The following METTL15 variants were observed in gnomAD, a reference collection of about 807,000 sequenced individuals.
The protein encoded by METTL15 is 12S rRNA N(4)-cytidine methyltransferase METTL15.
A neutral mutation model predicts 38.3 loss-of-function variants in METTL15; 34 were observed. The ratio of observed to expected loss-of-function variants is 0.89; its 90% CI spans 0.68 to 1.18. METTL15 has a LOEUF of 1.18. Ranked by LOEUF, METTL15 falls within the 50% of genes most tolerant of loss-of-function variation. METTL15 has a pLI of 0.00. For missense variants in METTL15, 438 were observed against 498.4 expected, an observed-to-expected ratio of 0.88 and a Z score of 1.15; for synonymous variants, 162 against 170.9, an observed-to-expected ratio of 0.95 and a Z score of 0.41.
At chr11:28,456,444 T>G (rs1274304037) in intron 6 of METTL15, among the ~76,000 whole-genome samples, 1 of 151,720 alleles carries the variant, frequency 6.6e-6, no homozygotes, top group African/African-American at 2.4e-5. Flanking sequence ...TTTGTTTGTT[T>G]GTTTTGTTTT....
intron 6 of METTL15, among the ~76,000 whole-genome samples, chr11:28,499,971 C>T (rs550208434): frequency 6.7e-6 from 1 of 150,152 alleles, no homozygotes; most frequent in Admixed American, 6.7e-5. Flanking sequence ...ATAACTTTTT[C>T]TATTGTTTGT....
chr11:28,122,405 G>A (rs902791285), intron 3 of METTL15, among the ~76,000 whole-genome samples: 3 of 149,998 alleles, frequency 2.0e-5, no homozygotes, highest in Non-Finnish European at 4.5e-5. Context: ...TTAGGTAAAT[G>A]AGGTAGTTAT....
At chr11:28,512,354 G>C (rs1265129102) in intron 6 of METTL15, among the ~76,000 whole-genome samples, 1 of 152,232 alleles carries the variant, frequency 6.6e-6, no homozygotes, top group African/African-American at 2.4e-5. Flanking sequence ...CCCTTGGGTG[G>C]TTGATGGGAC....
intron 4 of METTL15, among the ~76,000 whole-genome samples, chr11:28,238,576 C>T (rs1028976247): frequency 3.3e-5 from 5 of 152,200 alleles, no homozygotes; most frequent in African/African-American, 4.8e-5. Flanking sequence ...GGCAGTGCCT[C>T]GCCCTGCTTT....
chr11:28,455,086 C>T (rs1045691349), intron 6 of METTL15, among the ~76,000 whole-genome samples: 2 of 152,130 alleles, frequency 1.3e-5, no homozygotes, highest in Non-Finnish European at 2.9e-5. Flanking sequence ...TGAATCCTCC[C>T]ATATGTATCC....
In METTL15 at chr11:28,469,969, C is replaced by T. The variant is rs1851289386; in HGVS notation, c.*424+45605C>T. Among the ~76,000 whole-genome samples, 3 of 152,028 alleles carry T rather than the reference C, an allele frequency of 2.0e-5. No homozygotes were observed. The South Asian group carries it at 6.2e-4, about 32-fold the overall frequency. On this transcript the variant is annotated intron_variant and NMD_transcript_variant, in intron 6 of 7. Coordinates refer to the METTL15 transcript ENST00000532947. ...GAATATATTCATGAATATATTCTAA[C>T]TTACCTGTTAAACTCTATTTTTTAA...
chr11:28,122,054 A>T, intron 3 of METTL15: 1 of 758,096 alleles, frequency 1.3e-6, no homozygotes, highest in Non-Finnish European at 1.7e-6. Context: ...ATTTTTAGTT[A>T]ATAAAAGTTA....
At chr11:28,205,293 T>C (rs1852283155) in intron 3 of METTL15, among the ~76,000 whole-genome samples, 1 of 145,764 alleles carries the variant, frequency 6.9e-6, no homozygotes, top group African/African-American at 2.5e-5. Flanking sequence ...AGTGTGATGT[T>C]CCCCTTCCTG....
At chr11:28,450,983 A>G (rs1851115649) in intron 6 of METTL15, among the ~76,000 whole-genome samples, 1 of 152,246 alleles carries the variant, frequency 6.6e-6, no homozygotes, top group African/African-American at 2.4e-5. Flanking sequence ...TAAGCGACTT[A>G]TCCAAGCTTA....
chr11:28,336,335 C>T (rs1404711349), downstream of METTL15, among the ~76,000 whole-genome samples: 2 of 152,130 alleles, frequency 1.3e-5, no homozygotes, highest in Non-Finnish European at 2.9e-5. Flanking sequence ...ACCTTCATAT[C>T]AGTAAGTGGC....
intron 3 of METTL15, chr11:28,163,287 A>G: frequency 2.5e-6 from 1 of 397,446 alleles, no homozygotes; most frequent in Non-Finnish European, 4.4e-6. Context: ...TGAAGAAAAA[A>G]AAGTATGGCA....
chr11:28,123,628 AGTAT>A (rs996288475), intron 3 of METTL15, among the ~76,000 whole-genome samples: 2 of 152,052 alleles, frequency 1.3e-5, no homozygotes, highest in African/African-American at 4.8e-5. Context: ...TGCTTTAGAA[AGTAT>A]GTGCATTTTT....
chr11:28,395,768 C>A (rs1485439505), intron 5 of METTL15, among the ~76,000 whole-genome samples: 1 of 152,106 alleles, frequency 6.6e-6, no homozygotes, highest in Non-Finnish European at 1.5e-5. Context: ...CATCCTGATA[C>A]CAAAGCCGGG....
intron 6 of METTL15, among the ~76,000 whole-genome samples, chr11:28,454,850 A>G (rs1194557327): frequency 6.6e-6 from 1 of 152,164 alleles, no homozygotes; most frequent in Non-Finnish European, 1.5e-5. Flanking sequence ...CCTTCACTGG[A>G]GCACATTGGA....
In METTL15 at chr11:28,267,705, A is replaced by G. The variant is rs541775173; in HGVS notation, c.408-22501A>G. Among the ~76,000 whole-genome samples the G allele has an allele frequency of 9.1e-4, 138 of 152,298 alleles. 1 individual carries two copies. The South Asian group carries it at 0.028, about 30-fold the overall frequency. The stretch of plus-strand genomic sequence containing the variant: ...TCTTCTCTACGTATACCAATGAAAC[A>G]ATATGACTCACAGAGGTTACCTAAC... On this transcript the variant is annotated intron_variant, in intron 4 of 6. Coordinates refer to ENST00000407364, the MANE Select transcript of METTL15 (RefSeq NM_001113528.2).
intron 5 of METTL15, among the ~76,000 whole-genome samples, chr11:28,367,807 C>T (rs1009503405): frequency 3.5e-4 from 54 of 152,248 alleles, no homozygotes; most frequent in Non-Finnish European, 4.6e-4. Context: ...CTACAACTAT[C>T]TGATCTTTGA....
At chr11:28,452,146 A>T (rs1281383182) in intron 6 of METTL15, among the ~76,000 whole-genome samples, 1 of 152,210 alleles carries the variant, frequency 6.6e-6, no homozygotes. Context: ...AGTCAAGAGG[A>T]GAGAAAGCAA....
intron 3 of METTL15, among the ~76,000 whole-genome samples, chr11:28,209,850 T>G (rs1852549455): frequency 6.6e-6 from 1 of 152,038 alleles, no homozygotes. Context: ...TGTTATGTAC[T>G]ATGCACATGA....
In METTL15 at chr11:28,476,402, A is replaced by G. The variant is rs1851346663; in HGVS notation, c.*425-50076A>G. ...GATGGTAGATAAGGCAATAGTGGTG[A>G]CTCTAACAAGACCACCAGAATTCTT... On this transcript the variant is annotated intron_variant and NMD_transcript_variant, in intron 6 of 7. Transcript: ENST00000532947. 2.0e-5 allele frequency among the ~76,000 whole-genome samples: 3 copies of G among 152,222 alleles called. No homozygotes were observed. In the South Asian group the frequency reaches 6.2e-4, roughly 32 times the overall value.
Sources: gnomAD v4.1 joint callset for allele counts (sites outside exome capture counted in the v4.1 genomes callset) on GRCh38, gnomAD v4.1.1 for gene constraint, MANE v1.5 for transcripts, NCBI Gene and HGNC (gene_info 2026-07-23, HGNC 2026-07-21) for gene names.